GLYATL2: variants seen among roughly 807,000 people sequenced by gnomAD.
GLYATL2 encodes glycine-N-acyltransferase like 2, also known as glycine N-acyltransferase-like protein 2.
Under a neutral mutation model 21.4 loss-of-function variants are expected in GLYATL2, and 25 were observed. The observed-to-expected ratio is 1.17, with a 90% confidence interval of 0.85 to 1.63. The LOEUF is 1.63. Ranked by LOEUF, GLYATL2 falls within the 40% of genes most tolerant of loss-of-function variation. GLYATL2 has a pLI of 0.00. For missense variants in GLYATL2, 361 were observed against 343.3 expected (o/e 1.05, Z -0.41); for synonymous variants, 114 against 118.2 (o/e 0.96, Z 0.23).
rs1458512554 is a variant in GLYATL2, at chr11:58,867,014, C to T, written n.61-28646G>A. Among the ~76,000 whole-genome samples the T allele has an allele frequency of 1.5e-4, 22 of 148,882 alleles. 1 individual carries two copies. Among genetic ancestry groups the T allele is most frequent in the African/African-American group, 4.6e-4 (19 of 41,318 alleles). On this transcript the variant is annotated intron_variant and non_coding_transcript_variant, in intron 1 of 4. Transcript: ENST00000533636. ...GGATATTGATATGAAAGAAGCAGCC[C>T]AGAGGCCCTTGACACATTGTGAGAG...
At position 58,839,479 on chromosome 11, in the gene GLYATL2, C is replaced by A. The variant is rs1017138376; in HGVS notation, c.78+56G>T. The A allele has an allele frequency of 1.1e-5, 12 of 1,054,034 alleles. No individual in the cohort carries two copies. The African/African-American group carries it at 1.7e-4, about 15-fold the overall frequency. The allele number at this position is 1,054,034 out of a possible 1,614,324, so 65.3% of individuals were successfully genotyped here. On this transcript the variant is annotated intron_variant, in intron 2 of 5. Coordinates refer to ENST00000287275, the MANE Select transcript of GLYATL2 (RefSeq NM_145016.4). Reference sequence around the variant, plus strand: ...CCCATTAAGGTTATGAATCCTGAATCTGTCCTCCTCTCAACTCAACCCTCT... The same window carrying A: ...CCCATTAAGGTTATGAATCCTGAATATGTCCTCCTCTCAACTCAACCCTCT...
chr11:58,861,230 C>A (rs1398525884), intron 1 of GLYATL2, among the ~76,000 whole-genome samples: 1 of 151,710 alleles, frequency 6.6e-6, no homozygotes, highest in African/African-American at 2.4e-5. Context: ...CTGGGCTTCT[C>A]TTTGATGGAA....
chr11:58,893,402 T>G, intron 1 of GLYATL2: 1 of 232,902 alleles, frequency 4.3e-6, no homozygotes, highest in Admixed American at 4.2e-5. Flanking sequence ...GGTTCCTTTG[T>G]GGCCACCTGT....
intron 1 of GLYATL2, among the ~76,000 whole-genome samples, chr11:58,867,640 A>C (rs1188354415): frequency 6.7e-6 from 1 of 148,800 alleles, no homozygotes; most frequent in African/African-American, 2.4e-5. Flanking sequence ...ACCAGAATTC[A>C]TTGCTTCCAT....
chr11:58,836,997 C>A lies in GLYATL2; in HGVS notation c.476+18G>T, dbSNP rs780603476. 6.9e-6 allele frequency: 11 copies of A among 1,604,742 alleles called. No individual in the cohort carries two copies. In the South Asian group the frequency reaches 9.0e-5, roughly 13 times the overall value. ...TAATTCTATCAAGGAATTTGGGAAG[C>A]AAAAGGTAAAATCTCACTTGTTATC... is the stretch of plus-strand genomic sequence containing the variant. On this transcript the variant is annotated intron_variant, in intron 5 of 5. Transcript: ENST00000287275.
At chr11:58,868,121 TAC>T (rs1854052669) in intron 1 of GLYATL2, among the ~76,000 whole-genome samples, 1 of 148,888 alleles carries the variant, frequency 6.7e-6, no homozygotes, top group South Asian at 2.2e-4. Context: ...AAAGTCCTGA[TAC>T]AGAGTTTGCC....
chr11:58,881,899 C>T (rs1009366243), intron 1 of GLYATL2, among the ~76,000 whole-genome samples: 3 of 152,224 alleles, frequency 2.0e-5, no homozygotes, highest in Non-Finnish European at 2.9e-5. Context: ...CATCAATGTC[C>T]CTACAAAGGA....
chr11:58,846,803 A>T (rs1447426576), upstream of GLYATL2, among the ~76,000 whole-genome samples: 13 of 152,150 alleles, frequency 8.5e-5, no homozygotes. Flanking sequence ...GTGCTGAATT[A>T]GGCTCAGAAA....
At chr11:58,888,625 T>G (rs1379049355) in intron 1 of GLYATL2, among the ~76,000 whole-genome samples, 1 of 151,972 alleles carries the variant, frequency 6.6e-6, no homozygotes, top group Non-Finnish European at 1.5e-5. Context: ...TATTTTTGTA[T>G]CTATTTCTGT....
intron 1 of GLYATL2, among the ~76,000 whole-genome samples, chr11:58,856,420 A>T (rs1327665481): frequency 6.6e-6 from 1 of 152,068 alleles, no homozygotes; most frequent in Non-Finnish European, 1.5e-5. Context: ...TTTCCTTCAA[A>T]GATTTTTCCT....
intron 1 of GLYATL2, among the ~76,000 whole-genome samples, chr11:58,875,834 C>T (rs1458875827): frequency 1.3e-5 from 2 of 152,152 alleles, no homozygotes; most frequent in South Asian, 2.1e-4. Flanking sequence ...TGAATGTTGG[C>T]CTGCCTTGCT....
rs1392115823 is a variant in GLYATL2 at position 58,885,596 on chromosome 11, A to C, written n.60+18560T>G. ...CAGGCAGGCCCAAAGGGCCTGAGGA[A>C]CTGACCATTTCAGACACCAGGGCTG... On this transcript the variant is annotated intron_variant and non_coding_transcript_variant, in intron 1 of 4. Transcript: ENST00000533636. 3.2e-5 allele frequency: 11 copies of C among 341,642 alleles called. No homozygotes were observed. The Admixed American group carries it at 3.3e-4, about 10-fold the overall frequency. 21.2% of individuals were successfully genotyped at this position (341,642 alleles called of 1,614,324 possible).
intron 1 of GLYATL2, among the ~76,000 whole-genome samples, chr11:58,855,013 T>C (rs1317244786): frequency 6.6e-6 from 1 of 152,204 alleles, no homozygotes; most frequent in Admixed American, 6.5e-5. Flanking sequence ...AGTTACTTCC[T>C]CCATTTAAAT....
intron 1 of GLYATL2, among the ~76,000 whole-genome samples, chr11:58,879,092 G>T (rs1444059286): frequency 6.6e-6 from 1 of 151,916 alleles, no homozygotes; most frequent in East Asian, 1.9e-4. Flanking sequence ...ATAGCTGGTG[G>T]GACTGCTGGG....
At position 58,864,616 on chromosome 11, in the gene GLYATL2, C is replaced by T. The variant is rs12290133; in HGVS notation, n.61-26248G>A. ...TGCTGCTCTGGTACCTGGTTCCATG[C>T]CTGTGGGTGGGGTGACACAGGTAAT... is the stretch of plus-strand genomic sequence containing the variant. On this transcript the variant is annotated intron_variant and non_coding_transcript_variant, in intron 1 of 4. Transcript: ENST00000533636. Among the ~76,000 whole-genome samples the T allele has an allele frequency of 6.2e-3, 921 of 149,360 alleles. 29 individuals carry two copies. The highest frequency in any genetic ancestry group is 0.021 in the African/African-American group (879 of 41,390).
chr11:58,876,787 G>T (rs540587638), intron 1 of GLYATL2, among the ~76,000 whole-genome samples: 5 of 152,346 alleles, frequency 3.3e-5, no homozygotes, highest in African/African-American at 1.2e-4. Flanking sequence ...CAAGCTGCAT[G>T]CTGGGAGAAC....
intron 1 of GLYATL2, among the ~76,000 whole-genome samples, chr11:58,874,194 G>A (rs1854181798): frequency 1.3e-5 from 2 of 151,886 alleles, no homozygotes; most frequent in Admixed American, 1.3e-4. Context: ...CTTCTTATTA[G>A]TCTTGCTAGT....
At chr11:58,870,150 A>T (rs886251426) in intron 1 of GLYATL2, among the ~76,000 whole-genome samples, 1 of 152,158 alleles carries the variant, frequency 6.6e-6, no homozygotes, top group African/African-American at 2.4e-5. Flanking sequence ...GCACAGGAGC[A>T]TTGCAGAGAG....
intron 1 of GLYATL2, among the ~76,000 whole-genome samples, chr11:58,882,842 C>G (rs1372927799): frequency 1.3e-5 from 2 of 151,652 alleles, no homozygotes. Flanking sequence ...ATAGGGATTC[C>G]TTTAGGTTTG....
Sources: gnomAD v4.1 joint callset for allele counts (sites outside exome capture counted in the v4.1 genomes callset) on GRCh38, gnomAD v4.1.1 for gene constraint, MANE v1.5 for transcripts, NCBI Gene and HGNC (gene_info 2026-07-23, HGNC 2026-07-21) for gene names.